The following MCM3AP variants were observed in gnomAD, a reference collection of about 807,000 sequenced individuals.
MCM3AP encodes the protein germinal-center associated nuclear protein.
Under a neutral mutation model 184.1 loss-of-function variants are expected in MCM3AP, and 126 were observed. That is an observed-to-expected ratio of 0.68 (90% CI 0.59 to 0.79). The LOEUF is 0.79. Among genes scored for constraint, MCM3AP ranks in the 30% least tolerant of loss-of-function variants. The probability of loss-of-function intolerance (pLI) is 0.00; values close to 1 mark genes in which losing one functional copy is unlikely to be tolerated. For synonymous variants in MCM3AP, 1,002 were observed against 979.3 expected, an observed-to-expected ratio of 1.02 and a Z score of -0.43; for missense variants, 2,496 against 2,479.2, an observed-to-expected ratio of 1.01 and a Z score of -0.14.
chr21:46,270,237 C>T (rs893835346), intron 9 of MCM3AP, 164 bp downstream of exon 9: 94 of 617,196 alleles, frequency 1.5e-4, no homozygotes, highest in South Asian at 8.9e-4. Context: ...GTGATAACCC[C>T]TATAAAACAG....
At chr21:46,268,128 TGGA>T in intron 9 of MCM3AP, 1 of 151,278 alleles carries the variant, frequency 6.6e-6, no homozygotes, top group East Asian at 1.9e-4. Context: ...ACCCGGGAGG[TGGA>T]GGTTTCAGTG....
At position 46,256,937 on chromosome 21, in the gene MCM3AP, C is replaced by T. The variant is rs966485999; in HGVS notation, c.3784G>A (p.Ala1262Thr). Residue 1262 changes from alanine to threonine, a missense_variant, in exon 17 of 28, where the codon GCT (alanine) becomes ACT (threonine). Ala to Thr is a moderately conservative substitution (Grantham distance 58). This residue lies in a region of MCM3AP where 1,323 missense variants were observed against 1,273.4 expected (regional missense o/e 1.04). Transcript: ENST00000291688. ...ACGCAGCAGGGCGCAGCAGGGAAAG[C>T]CCGCATTTGGCGCCTCAGTTTCTTG... ...ARKKLRRQMR[A>T]FPAAPCCVDV... 1.9e-6 allele frequency: 3 copies of T among 1,612,360 alleles called. No individual in the cohort carries two copies. Among genetic ancestry groups the T allele is most frequent in the Non-Finnish European group, 2.5e-6 (3 of 1,179,330 alleles).
At chr21:46,246,174 T>C (rs1482789592) in intron 22 of MCM3AP, 133 bp downstream of exon 22, 8 of 637,452 alleles carry the variant, frequency 1.3e-5, no homozygotes, top group Non-Finnish European at 2.8e-6. Context: ...CATGCCACTA[T>C]ACTGGGTGAC....
chr21:46,262,541 G>C (rs17182906), intron 13 of MCM3AP, among the ~76,000 whole-genome samples: 29 of 152,060 alleles, frequency 1.9e-4, no homozygotes, highest in Non-Finnish European at 3.2e-4. Flanking sequence ...CTAGCTACTT[G>C]GGAGGCTGAG....
intron 6 of MCM3AP, among the ~76,000 whole-genome samples, chr21:46,274,580 T>C (rs1435918793): frequency 1.3e-5 from 2 of 152,166 alleles, no homozygotes; most frequent in Non-Finnish European, 2.9e-5. Context: ...AAATTGTATC[T>C]AGAGCATAAT....
chr21:46,257,060 C>T (rs2080964505), intron 16 of MCM3AP, 74 bp from the exon 17 acceptor site: 2 of 1,526,846 alleles, frequency 1.3e-6, no homozygotes, highest in African/African-American at 1.4e-5. Flanking sequence ...GCAGTCAGAA[C>T]TCAGGCATGG....
intron 22 of MCM3AP, 60 bp downstream of exon 22, chr21:46,246,247 A>T: frequency 2.0e-6 from 2 of 1,025,006 alleles, no homozygotes; most frequent in Non-Finnish European, 1.5e-6. Flanking sequence ...AATTCAAGAT[A>T]CAGCAAAAGG....
chr21:46,235,998 T>C (rs1444551514), intron 27 of MCM3AP, among the ~76,000 whole-genome samples: 1 of 152,232 alleles, frequency 6.6e-6, no homozygotes, highest in Admixed American at 6.5e-5. Flanking sequence ...TGTGTTATAA[T>C]TGTTTAATCA....
rs1014092986 is a variant in MCM3AP at position 46,244,927 on chromosome 21, C to T, written c.4918G>A (p.Glu1640Lys). ...DLSWPVTEFA[E>K]AGGSRLLPHL... ...GGAAGCAGCCGGCTGCCCCCTGCCT[C>T]AGCAAACTCAGTGACAGGCCAGGAC... is the stretch of plus-strand genomic sequence containing the variant. Residue 1640 changes from glutamate (E) to lysine (K), a missense_variant, in exon 23 of 28, where the codon GAG becomes AAG. Transcript: ENST00000291688. 1.2e-6 allele frequency: 2 copies of T among 1,614,096 alleles called. No individual in the cohort carries two copies. The highest frequency in any genetic ancestry group is 1.7e-6 in the Non-Finnish European group (2 of 1,180,052).
chr21:46,283,960 C>G, intron 1 of MCM3AP, 108 bp downstream of exon 1: 1 of 1,543,280 alleles, frequency 6.5e-7, no homozygotes, highest in Non-Finnish European at 8.7e-7. Context: ...TGTTAGAATC[C>G]CTAATGTTTA....
chr21:46,282,239 C>A (rs1167100056), intron 2 of MCM3AP, among the ~76,000 whole-genome samples: 1 of 151,944 alleles, frequency 6.6e-6, no homozygotes, highest in East Asian at 1.9e-4. Flanking sequence ...AGAATATACC[C>A]CAAAAAACTG....
intron 20 of MCM3AP, among the ~76,000 whole-genome samples, chr21:46,249,088 G>T (rs141172264): frequency 1.3e-5 from 2 of 152,176 alleles, no homozygotes; most frequent in Non-Finnish European, 2.9e-5. Context: ...GCCATGAACA[G>T]AGAGAAAAGG....
At chr21:46,240,088 A>G (rs1032035713) in intron 26 of MCM3AP, among the ~76,000 whole-genome samples, 5 of 152,162 alleles carry the variant, frequency 3.3e-5, no homozygotes, top group African/African-American at 1.2e-4. Context: ...TGTGCTGCTG[A>G]TGGGCACCAC....
At chr21:46,280,219 G>A (rs2081314670) in intron 3 of MCM3AP, 82 bp from the exon 4 acceptor site, 2 of 1,417,532 alleles carry the variant, frequency 1.4e-6, no homozygotes, top group Non-Finnish European at 2.0e-6. Flanking sequence ...TTCTAAGAAA[G>A]TAATATTATT....
At chr21:46,246,588 T>TA in intron 21 of MCM3AP, 40 bp downstream of exon 21, 1 of 1,601,032 alleles carries the variant, frequency 6.2e-7, no homozygotes, top group Non-Finnish European at 8.5e-7. Flanking sequence ...ACCCATTTAT[T>TA]AAACAATGCT....
At position 46,273,430 on chromosome 21, in the gene MCM3AP, A is replaced by G. The variant is rs151180049; in HGVS notation, c.2154T>C (p.Asp718=). ...TGCGGTTCCACACGAAGTCATACCA[A>G]TCCCGCAGGCTGCCCTCCTTCTGGT... ...IMDQKEGSLR[D]WYDFVWNRTR... Residue 718 remains aspartate, a synonymous_variant, in exon 7 of 28, where the codon GAT becomes GAC. Transcript: ENST00000291688. 20 of 1,613,904 alleles carry G rather than the reference A, an allele frequency of 1.2e-5. No homozygotes were observed. In the African/African-American group the frequency reaches 1.5e-4, roughly 12 times the overall value.
chr21:46,272,451 A>G (rs1601534553), intron 8 of MCM3AP, 110 bp downstream of exon 8: 1 of 1,145,792 alleles, frequency 8.7e-7, no homozygotes, highest in Non-Finnish European at 1.3e-6. Context: ...AACATCTGCT[A>G]CCAGACAGAA....
intron 17 of MCM3AP, 101 bp from the exon 18 acceptor site, chr21:46,254,945 TC>T (rs1371334868): frequency 1.2e-6 from 1 of 821,266 alleles, no homozygotes; most frequent in Non-Finnish European, 2.1e-6. Flanking sequence ...AAACACATTT[TC>T]TGCCAATGAA....
intron 13 of MCM3AP, among the ~76,000 whole-genome samples, chr21:46,263,678 G>A (rs1376782570): frequency 6.7e-6 from 1 of 148,682 alleles, no homozygotes; most frequent in Non-Finnish European, 1.5e-5. Context: ...TACTCGGGAA[G>A]CTGAGGCAGA....
Sources: allele counts gnomAD v4.1 joint callset (sites outside exome capture counted in the v4.1 genomes callset), GRCh38; gene constraint gnomAD v4.1.1; regional missense constraint gnomAD v4.1.1; transcripts MANE v1.5; gene names NCBI Gene and HGNC (gene_info 2026-07-23, HGNC 2026-07-21).